Variants in FNTB observed in about 807,000 individuals in gnomAD.
The protein encoded by FNTB is protein farnesyltransferase subunit beta.
FNTB carries 27 observed loss-of-function variants against 59.4 expected under a neutral mutation model. That is an observed-to-expected ratio of 0.45 (90% confidence interval 0.34 to 0.63). FNTB has a LOEUF of 0.63. Among genes scored for constraint, FNTB ranks in the 20% least tolerant of loss-of-function variants. The pLI is 0.02. For missense variants in FNTB, 449 were observed against 559.6 expected (o/e 0.80, Z 1.99); for synonymous variants, 230 against 220.7 (o/e 1.04, Z -0.37).
Position 65,009,636 on chromosome 14 carries a change from C to T in FNTB, c.210-2681C>T, listed in dbSNP as rs956224538. Among the ~76,000 whole-genome samples, 5 of 152,144 alleles carry T rather than the reference C, an allele frequency of 3.3e-5. No individual in the cohort carries two copies. The highest frequency in any genetic ancestry group is 1.2e-4 in the African/African-American group (5 of 41,414). ...GCCCTCCTCCATCCTCTTTACAGAC[C>T]TTCCCTATGGATTTCCTCTGAGCTT... On this transcript the variant is annotated intron_variant, in intron 2 of 11. Coordinates refer to ENST00000246166, the MANE Select transcript of FNTB (RefSeq NM_002028.4). This position sits in a 1 kb window ranked among gnomAD's most constrained non-coding sequence, Gnocchi z 4.2.
chr14:65,004,102 C>G lies in FNTB; in HGVS notation c.145-147C>G, dbSNP rs181747495. 7.6e-4 allele frequency: 559 copies of G among 734,196 alleles called. 2 individuals carry two copies. In the African/African-American group the frequency reaches 9.1e-3, roughly 12 times the overall value. The allele number at this position is 734,196 out of a possible 1,614,324, so 45.5% of individuals were successfully genotyped here. The stretch of plus-strand genomic sequence containing the variant: ...CTCGCCTTGTCCTAAGCCTGTCATC[C>G]TGCAGAACCCATCTTACAGTACTGT... On this transcript the variant is annotated intron_variant, in intron 1 of 11. Transcript: ENST00000246166.
chr14:65,026,632 G>A (rs1259654594), intron 4 of FNTB, among the ~76,000 whole-genome samples: 1 of 152,138 alleles, frequency 6.6e-6, no homozygotes, highest in East Asian at 1.9e-4. Flanking sequence ...GGCTGCGGCG[G>A]GTGGATCACT....
chr14:65,000,596 A>C (rs1594990451), intron 1 of FNTB, among the ~76,000 whole-genome samples: 1 of 152,154 alleles, frequency 6.6e-6, no homozygotes, highest in South Asian at 2.1e-4. Context: ...TGAGACCGGC[A>C]GATCACGAGG....
rs2140028794 is a variant in FNTB, at chr14:64,987,159, C to T, written c.144+62C>T. 6 of 1,590,670 alleles carry T rather than the reference C, an allele frequency of 3.8e-6. No individual in the cohort carries two copies. In the South Asian group the frequency reaches 6.7e-5, roughly 18 times the overall value. On this transcript the variant is annotated intron_variant, in intron 1 of 11. Coordinates refer to ENST00000246166, the MANE Select transcript of FNTB (RefSeq NM_002028.4). ...GTGTTCTGGGAGCGCGAGTCCCGTT[C>T]GTAGGGCCGCCCGGGTGCGGAACTC...
intron 3 of FNTB, among the ~76,000 whole-genome samples, chr14:65,013,945 C>T (rs2061726480): frequency 6.6e-6 from 1 of 152,168 alleles, no homozygotes; most frequent in African/African-American, 2.4e-5. Flanking sequence ...GTCATTTGCT[C>T]AAAGGCACAT....
chr14:65,027,241 G>A lies in FNTB; in HGVS notation c.375-212G>A. ...TCATGACCAACAAGCGCTTAAGTAC[G>A]AAACTCAGAGGAGGGCAGACAGAAA... On this transcript the variant is annotated intron_variant, in intron 4 of 11. Transcript: ENST00000246166. This position sits in a 1 kb window ranked among gnomAD's most constrained non-coding sequence, Gnocchi z 5.7. 3 of 754,902 alleles carry A rather than the reference G, an allele frequency of 4.0e-6. No homozygotes were observed. Among genetic ancestry groups the A allele is most frequent in the South Asian group, 1.9e-5 (1 of 52,218 alleles). 46.8% of individuals were successfully genotyped at this position (754,902 alleles called of 1,614,324 possible). A position where few individuals can be genotyped will look rare whatever the true frequency, so the allele number is the denominator to read the frequency against.
In FNTB at chr14:65,012,052, C is replaced by T. The variant is rs1354996673; in HGVS notation, c.210-265C>T. The T allele has an allele frequency of 7.6e-6, 3 of 392,646 alleles. No homozygotes were observed. The highest frequency in any genetic ancestry group is 1.4e-5 in the Non-Finnish European group (3 of 207,978). 24.3% of individuals were successfully genotyped at this position (392,646 alleles called of 1,614,324 possible). ...TGCTCATTGCGGCTTTTCCGTTAGC[C>T]CAAAGTCACTGCCTTTAGGAGACAA... On this transcript the variant is annotated intron_variant, in intron 2 of 11. Coordinates refer to ENST00000246166, the MANE Select transcript of FNTB (RefSeq NM_002028.4). This position sits in a 1 kb window ranked among gnomAD's most constrained non-coding sequence, Gnocchi z 5.0.
Position 65,062,165 on chromosome 14 carries a change from T to TTCTA in FNTB, c.*857_*860dup, listed in dbSNP as rs775070135. The TTCTA allele has an allele frequency of 6.6e-6, 1 of 152,438 alleles. No individual in the cohort carries two copies. The highest frequency in any genetic ancestry group is 1.5e-5 in the Non-Finnish European group (1 of 68,196). 9.4% of individuals were successfully genotyped at this position (152,438 alleles called of 1,614,324 possible). On this transcript the variant is annotated 3_prime_UTR_variant, in exon 12 of 12. Transcript: ENST00000246166. This position sits in a 1 kb window ranked among gnomAD's most constrained non-coding sequence, Gnocchi z 4.3. ...TGCAGGCCGAGGCCCTTCTGGGGGT[T>TTCTA]TCTATCTTTCTTCCACCAGACTCCA...
intron 4 of FNTB, among the ~76,000 whole-genome samples, chr14:65,025,847 A>G (rs1342269518): frequency 6.6e-6 from 1 of 152,124 alleles, no homozygotes; most frequent in African/African-American, 2.4e-5. Context: ...AGTGCCACAT[A>G]ATTGTTTTCA....
chr14:65,007,538 G>A lies in FNTB; in HGVS notation c.209+3225G>A, dbSNP rs1175451873. Among the ~76,000 whole-genome samples, 2 of 152,220 alleles carry A rather than the reference G, an allele frequency of 1.3e-5. No individual in the cohort carries two copies. Among genetic ancestry groups the A allele is most frequent in the Non-Finnish European group, 2.9e-5 (2 of 68,038 alleles). On this transcript the variant is annotated intron_variant, in intron 2 of 11. Transcript: ENST00000246166. The surrounding 1 kb of genome is among the most constrained non-coding windows in gnomAD (Gnocchi z 4.9). ...GACTGGGCTGAAAGTCAAGCCTGGAGCTGAATGTCAGTACATTCTATACTT... is the reference window on the plus strand; with the variant it reads ...GACTGGGCTGAAAGTCAAGCCTGGAACTGAATGTCAGTACATTCTATACTT...
At position 65,030,053 on chromosome 14, in the gene FNTB, C is replaced by T. The variant is rs2062049996; in HGVS notation, c.605+2272C>T. On this transcript the variant is annotated intron_variant, in intron 6 of 11. Transcript: ENST00000246166. The surrounding 1 kb of genome is among the most constrained non-coding windows in gnomAD (Gnocchi z 4.5). Reference sequence around the variant, plus strand: ...TACATGAAAAGGTTGTATTACGTTTCCTCCCCATCTCAGCGTGAGACCTGG... The same window carrying T: ...TACATGAAAAGGTTGTATTACGTTTTCTCCCCATCTCAGCGTGAGACCTGG... Among the ~76,000 whole-genome samples the T allele has an allele frequency of 6.6e-6, 1 of 152,116 alleles. No homozygotes were observed. Among genetic ancestry groups the T allele is most frequent in the Admixed American group, 6.5e-5 (1 of 15,278 alleles).
At chr14:65,015,214 T>G (rs2061747617) in intron 3 of FNTB, among the ~76,000 whole-genome samples, 1 of 151,888 alleles carries the variant, frequency 6.6e-6, no homozygotes, top group South Asian at 2.1e-4. Context: ...GTGATTCTCC[T>G]GCTTCGGCCT....
At position 65,038,055 on chromosome 14, in the gene FNTB, G is replaced by A. The variant is rs151107732; in HGVS notation, c.693-2735G>A. ...GCTGGGATTACAGGCATGAGCCCCC[G>A]CACCTGGCCAGCCTTTTAAAAATAT... is the stretch of plus-strand genomic sequence containing the variant. On this transcript the variant is annotated intron_variant, in intron 7 of 11. Coordinates refer to ENST00000246166, the MANE Select transcript of FNTB (RefSeq NM_002028.4). Among the ~76,000 whole-genome samples the A allele has an allele frequency of 7.1e-3, 1,085 of 151,960 alleles. 14 individuals carry two copies. The highest frequency in any genetic ancestry group is 0.025 in the African/African-American group (1,025 of 41,460).
Position 65,030,202 on chromosome 14 carries a change from A to T in FNTB, c.606-2408A>T, listed in dbSNP as rs978764995. Among the ~76,000 whole-genome samples the T allele has an allele frequency of 3.3e-5, 5 of 152,198 alleles. No individual in the cohort carries two copies. The highest frequency in any genetic ancestry group is 7.4e-5 in the Non-Finnish European group (5 of 68,024). ...AGAGCAAATGCATCTGAGCCTCTTT[A>T]AGAGGCCTACAATTGCAAGGAAATT... On this transcript the variant is annotated intron_variant, in intron 6 of 11. Coordinates refer to ENST00000246166, the MANE Select transcript of FNTB (RefSeq NM_002028.4). This position sits in a 1 kb window ranked among gnomAD's most constrained non-coding sequence, Gnocchi z 4.5.
chr14:65,031,678 T>C lies in FNTB; in HGVS notation c.606-932T>C, dbSNP rs1435192777. Among the ~76,000 whole-genome samples the C allele has an allele frequency of 6.6e-6, 1 of 152,042 alleles. No individual in the cohort carries two copies. Among genetic ancestry groups the C allele is most frequent in the Non-Finnish European group, 1.5e-5 (1 of 67,978 alleles). On this transcript the variant is annotated intron_variant, in intron 6 of 11. Transcript: ENST00000246166. The surrounding 1 kb of genome is among the most constrained non-coding windows in gnomAD (Gnocchi z 4.6). ...GCTTATGCCTGTAATCCCAGCACTT[T>C]GGGAGGCCAAGGCAGGTGGATTGCT...
chr14:65,050,140 CAGA>C (rs992885775), intron 9 of FNTB, among the ~76,000 whole-genome samples: 77 of 152,216 alleles, frequency 5.1e-4, no homozygotes, highest in African/African-American at 1.8e-3. Context: ...TATTGGATCT[CAGA>C]AGATTAGGCC....
rs1188357032 is a variant in FNTB at position 65,023,963 on chromosome 14, G to A, written c.375-3490G>A. Among the ~76,000 whole-genome samples, 2 of 152,098 alleles carry A rather than the reference G, an allele frequency of 1.3e-5. No individual in the cohort carries two copies. The highest frequency in any genetic ancestry group is 2.9e-5 in the Non-Finnish European group (2 of 68,000). ...TAAAAAATACAAAAATTAGCTGGGCGTGGCGGCATGCACCTGTAGTCCCAG... is the reference window on the plus strand; with the variant it reads ...TAAAAAATACAAAAATTAGCTGGGCATGGCGGCATGCACCTGTAGTCCCAG... On this transcript the variant is annotated intron_variant, in intron 4 of 11. Coordinates refer to ENST00000246166, the MANE Select transcript of FNTB (RefSeq NM_002028.4). This position sits in a 1 kb window ranked among gnomAD's most constrained non-coding sequence, Gnocchi z 4.1.
chr14:65,041,637 T>C (rs1437001084), intron 8 of FNTB, among the ~76,000 whole-genome samples: 1 of 152,210 alleles, frequency 6.6e-6, no homozygotes, highest in Non-Finnish European at 1.5e-5. Context: ...CCTCCCGTTA[T>C]GCGGCCCATC....
chr14:64,995,466 A>G (rs1888357859), intron 1 of FNTB, among the ~76,000 whole-genome samples: 1 of 152,086 alleles, frequency 6.6e-6, no homozygotes, highest in South Asian at 2.1e-4. Flanking sequence ...CACCAGCATC[A>G]CCACAGGCAT....
Sources: gnomAD v4.1 joint callset for allele counts (sites outside exome capture counted in the v4.1 genomes callset) on GRCh38, gnomAD v4.1.1 for gene constraint, Gnocchi (gnomAD v3.1) non-coding constraint, MANE v1.5 for transcripts, NCBI Gene and HGNC (gene_info 2026-07-23, HGNC 2026-07-21) for gene names.